Variants in GXYLT2 observed in about 807,000 individuals in gnomAD.
The protein encoded by GXYLT2 is glucoside xylosyltransferase 2, also known as glycosyltransferase 8 domain containing 4.
GXYLT2 carries 53 observed loss-of-function variants against 45.8 expected under a neutral mutation model. The observed-to-expected ratio is 1.16, with a 90% CI of 0.93 to 1.46. GXYLT2 has a LOEUF of 1.46. Among genes scored for constraint, GXYLT2 ranks in the 40% most tolerant of loss-of-function variants. GXYLT2 has a pLI of 0.00. For synonymous variants in GXYLT2, 219 were observed against 214.2 expected, an observed-to-expected ratio of 1.02 and a Z score of -0.19; for missense variants, 551 against 544.4, an observed-to-expected ratio of 1.01 and a Z score of -0.12.
intron 2 of GXYLT2, among the ~76,000 whole-genome samples, chr3:72,917,304 C>T (rs7613795): frequency 0.13 from 19,709 of 151,896 alleles, 1,504 homozygotes; most frequent in African/African-American, 0.21. Flanking sequence ...TACAATTGTA[C>T]TGGTATTTGT....
intron 2 of GXYLT2, among the ~76,000 whole-genome samples, chr3:72,914,500 T>C (rs975808750): frequency 4.0e-5 from 6 of 150,800 alleles, no homozygotes; most frequent in Admixed American, 6.7e-5. Flanking sequence ...TATATGTATG[T>C]TTTTATATAT....
At chr3:72,901,288 C>CAAAA (rs35141445) in intron 1 of GXYLT2, among the ~76,000 whole-genome samples, 15 of 96,508 alleles carry the variant, frequency 1.6e-4, no homozygotes, top group Admixed American at 6.7e-4. Context: ...GACTCTGTCT[C>CAAAA]AAAAAAAAAA....
chr3:72,972,497 C>T (rs754701528), intron 6 of GXYLT2, among the ~76,000 whole-genome samples: 2 of 151,552 alleles, frequency 1.3e-5, no homozygotes, highest in South Asian at 2.1e-4. Context: ...AGAAATCAGC[C>T]GGGCGTGGTG....
intron 1 of GXYLT2, among the ~76,000 whole-genome samples, chr3:72,888,969 T>G (rs1158563603): frequency 6.6e-6 from 1 of 152,164 alleles, no homozygotes; most frequent in Non-Finnish European, 1.5e-5. Context: ...ACCCCCATGC[T>G]TAGAACAGAA....
chr3:72,958,626 T>C (rs186234708), intron 5 of GXYLT2, among the ~76,000 whole-genome samples: 2 of 145,120 alleles, frequency 1.4e-5, no homozygotes, highest in Admixed American at 1.4e-4. Context: ...TGTTCACTTG[T>C]GGCTTTTTTT....
rs200250227 is a variant in GXYLT2, at chr3:72,975,926, C to CTTTTTTTTTT, written c.*781_*790dup. The CTTTTTTTTTT allele has an allele frequency of 1.7e-5, 2 of 119,538 alleles. No homozygotes were observed. Among genetic ancestry groups the CTTTTTTTTTT allele is most frequent in the African/African-American group, 6.5e-5 (2 of 30,560 alleles). 7.4% of individuals were successfully genotyped at this position (119,538 alleles called of 1,614,324 possible). On this transcript the variant is annotated 3_prime_UTR_variant, in exon 7 of 7. Transcript: ENST00000389617. ...GGGTATTTCTTCTTTTTCTTTCTTT[C>CTTTTTTTTTT]TTTTTTTTTTTTTTTTTTTTTTTGA...
intron 3 of GXYLT2, among the ~76,000 whole-genome samples, chr3:72,946,605 G>A (rs1020623479): frequency 1.3e-5 from 2 of 152,118 alleles, no homozygotes; most frequent in African/African-American, 4.8e-5. Context: ...TCCTCCTGTG[G>A]TGGAAGGGGT....
At chr3:72,931,304 T>C (rs1270797133) in intron 3 of GXYLT2, among the ~76,000 whole-genome samples, 1 of 151,974 alleles carries the variant, frequency 6.6e-6, no homozygotes, top group African/African-American at 2.4e-5. Flanking sequence ...CTCCGCTCAC[T>C]GCAAGCTCCG....
At chr3:72,920,072 C>T (rs1709803484) in intron 2 of GXYLT2, among the ~76,000 whole-genome samples, 1 of 151,994 alleles carries the variant, frequency 6.6e-6, no homozygotes, top group Non-Finnish European at 1.5e-5. Context: ...GATTTCTGCT[C>T]AATTTTTCTT....
chr3:72,893,748 C>T (rs185319173), intron 1 of GXYLT2, among the ~76,000 whole-genome samples: 1 of 152,260 alleles, frequency 6.6e-6, no homozygotes, highest in Admixed American at 6.5e-5. Flanking sequence ...GTCCCATACC[C>T]TTTCGAAGAA....
chr3:72,962,167 G>C (rs1453074354), intron 5 of GXYLT2, among the ~76,000 whole-genome samples: 1 of 152,178 alleles, frequency 6.6e-6, no homozygotes, highest in Non-Finnish European at 1.5e-5. Flanking sequence ...CCCAGCAACA[G>C]GCAGTTATGA....
At chr3:72,947,352 GT>G (rs1040261226) in intron 3 of GXYLT2, among the ~76,000 whole-genome samples, 5 of 152,156 alleles carry the variant, frequency 3.3e-5, no homozygotes, top group African/African-American at 1.2e-4. Flanking sequence ...TAATAGAGCA[GT>G]AATGAAAGGT....
chr3:72,920,118 A>G (rs988501046), intron 2 of GXYLT2, among the ~76,000 whole-genome samples: 1 of 151,520 alleles, frequency 6.6e-6, no homozygotes, highest in Non-Finnish European at 1.5e-5. Flanking sequence ...TCTTGTTTTT[A>G]CTTTTTTTAT....
chr3:72,966,654 CAG>C (rs1386166671), intron 5 of GXYLT2, among the ~76,000 whole-genome samples: 1 of 148,436 alleles, frequency 6.7e-6, no homozygotes, highest in Non-Finnish European at 1.5e-5. Flanking sequence ...TGTTTTGAGA[CAG>C]TCTTATTTTG....
At chr3:72,894,849 C>A (rs1289932705) in intron 1 of GXYLT2, among the ~76,000 whole-genome samples, 3 of 152,236 alleles carry the variant, frequency 2.0e-5, no homozygotes, top group Non-Finnish European at 2.9e-5. Context: ...CCCTTCCCCA[C>A]TGGGCTGTGC....
chr3:72,948,803 C>T (rs1050405918), intron 3 of GXYLT2, among the ~76,000 whole-genome samples: 10 of 147,838 alleles, frequency 6.8e-5, no homozygotes, highest in African/African-American at 1.8e-4. Flanking sequence ...TGCCACTGCA[C>T]TCCAGCCTGG....
At chr3:72,890,212 C>A (rs537443901) in intron 1 of GXYLT2, among the ~76,000 whole-genome samples, 10 of 131,024 alleles carry the variant, frequency 7.6e-5, no homozygotes, top group South Asian at 6.5e-4. Context: ...CCGCGCCGGG[C>A]CCAACCATAA....
intron 3 of GXYLT2, among the ~76,000 whole-genome samples, chr3:72,922,572 G>C (rs984424293): frequency 3.9e-5 from 6 of 152,154 alleles, no homozygotes; most frequent in African/African-American, 1.4e-4. Context: ...TGGTCTTTGT[G>C]ACTATGGTTC....
At position 72,947,715 on chromosome 3, in the gene GXYLT2, C is replaced by T. The variant is rs528633921; in HGVS notation, c.601-7383C>T. On this transcript the variant is annotated intron_variant, in intron 3 of 6. Transcript: ENST00000389617. ...ACTCAGGAAGCTGAGGCAGGAGAAT[C>T]GCTTGAACCCAGGAGGCGGAGGTTG... is the stretch of plus-strand genomic sequence containing the variant. 6.6e-5 allele frequency among the ~76,000 whole-genome samples: 10 copies of T among 152,156 alleles called. No homozygotes were observed. The South Asian group carries it at 2.1e-3, about 32-fold the overall frequency.
Sources: gnomAD v4.1 joint callset for allele counts (sites outside exome capture counted in the v4.1 genomes callset) on GRCh38, gnomAD v4.1.1 for gene constraint, MANE v1.5 for transcripts, NCBI Gene and HGNC (gene_info 2026-07-23, HGNC 2026-07-21) for gene names.